CEP44: variants seen among roughly 807,000 people sequenced by gnomAD.
The protein encoded by CEP44 is centrosomal protein of 44 kDa.
CEP44 carries 45 observed loss-of-function variants against 46.7 expected under a neutral mutation model. The ratio of observed to expected loss-of-function variants is 0.96; its 90% confidence interval spans 0.76 to 1.24. The LOEUF is 1.24. CEP44 is among the 50% of genes most tolerant of loss of function. The pLI is 0.00. For missense variants in CEP44, 475 were observed against 459.7 expected (o/e 1.03, Z -0.30); for synonymous variants, 142 against 146.0 (o/e 0.97, Z 0.20).
At chr4:174,300,854 T>A (rs1739626082) in intron 3 of CEP44, among the ~76,000 whole-genome samples, 1 of 152,164 alleles carries the variant, frequency 6.6e-6, no homozygotes, top group African/African-American at 2.4e-5. Flanking sequence ...TAATCAAGAT[T>A]TTTGAAATTG....
At chr4:174,321,590 C>G (rs186328932), downstream of CEP44, among the ~76,000 whole-genome samples, 1 of 152,006 alleles carries the variant, frequency 6.6e-6, no homozygotes, top group Non-Finnish European at 1.5e-5. Flanking sequence ...TAGTTTTTTA[C>G]TTTTAATTAT....
Position 174,290,846 on chromosome 4 carries a change from AT to A in CEP44, c.-148+6908del, listed in dbSNP as rs1738112768. 6.6e-6 allele frequency among the ~76,000 whole-genome samples: 1 copy of A among 152,074 alleles called. No individual in the cohort carries two copies. Among genetic ancestry groups the A allele is most frequent in the African/African-American group, 2.4e-5 (1 of 41,408 alleles). Reference sequence around the variant, plus strand: ...GTGCTTTGATGTTGGGTGCATATGTATTTTTAGTTGTTGTATCTTTCTATTG... The same window carrying A: ...GTGCTTTGATGTTGGGTGCATATGTATTTTAGTTGTTGTATCTTTCTATTG... On this transcript the variant is annotated intron_variant, in intron 1 of 11. Transcript: ENST00000503780. The surrounding 1 kb of genome is among the most constrained non-coding windows in gnomAD (Gnocchi z 4.3).
At chr4:174,325,048 G>A (rs982567897), downstream of CEP44, among the ~76,000 whole-genome samples, 1 of 152,152 alleles carries the variant, frequency 6.6e-6, no homozygotes, top group Non-Finnish European at 1.5e-5. The surrounding 1 kb of genome is among the most constrained non-coding windows in gnomAD (Gnocchi z 4.4). Context: ...CCAACATGGT[G>A]AATGGGGGGT....
Position 174,312,257 on chromosome 4 carries a change from C to T in CEP44, c.961+1399C>T, listed in dbSNP as rs1347927793. On this transcript the variant is annotated intron_variant, in intron 9 of 11. Coordinates refer to ENST00000503780, the MANE Select transcript of CEP44 (RefSeq NM_001040157.3). The surrounding 1 kb of genome is among the most constrained non-coding windows in gnomAD (Gnocchi z 4.5). ...ATACCTTTAACCTATTTAGAAAACA[C>T]ATGGCTAAGTTTTTTTTTTTTAATT... Among the ~76,000 whole-genome samples the T allele has an allele frequency of 2.6e-5, 4 of 151,126 alleles. No homozygotes were observed. Among genetic ancestry groups the T allele is most frequent in the African/African-American group, 9.7e-5 (4 of 41,118 alleles).
chr4:174,292,309 G>A (rs1310815441), intron 1 of CEP44, among the ~76,000 whole-genome samples: 2 of 151,890 alleles, frequency 1.3e-5, no homozygotes, highest in Non-Finnish European at 2.9e-5. Context: ...TTTGAATTTT[G>A]ACAAATTCAT....
intron 1 of CEP44, among the ~76,000 whole-genome samples, chr4:174,294,858 T>C (rs1273635777): frequency 1.8e-3 from 122 of 68,286 alleles, no homozygotes; most frequent in Non-Finnish European, 2.3e-3. Context: ...GGGGGGCTGA[T>C]CCCCCCACCT....
At position 174,312,756 on chromosome 4, in the gene CEP44, G is replaced by C. The variant is rs943553306; in HGVS notation, c.961+1898G>C. On this transcript the variant is annotated intron_variant, in intron 9 of 11. Coordinates refer to ENST00000503780, the MANE Select transcript of CEP44 (RefSeq NM_001040157.3). This position sits in a 1 kb window ranked among gnomAD's most constrained non-coding sequence, Gnocchi z 4.5. ...TAATTAAAAGACTCAAGTTTATAAAGACTTACACATTATACCTTATACATG... is the reference window on the plus strand; with the variant it reads ...TAATTAAAAGACTCAAGTTTATAAACACTTACACATTATACCTTATACATG... Among the ~76,000 whole-genome samples, 2 of 152,114 alleles carry C rather than the reference G, an allele frequency of 1.3e-5. No homozygotes were observed. The highest frequency in any genetic ancestry group is 2.9e-5 in the Non-Finnish European group (2 of 68,020).
rs187804571 is a variant in CEP44 at position 174,313,354 on chromosome 4, T to C, written c.961+2496T>C. Among the ~76,000 whole-genome samples the C allele has an allele frequency of 4.0e-5, 6 of 151,262 alleles. 1 individual carries two copies. The East Asian group carries it at 1.2e-3, about 30-fold the overall frequency. On this transcript the variant is annotated intron_variant, in intron 9 of 11. Transcript: ENST00000503780. Reference sequence around the variant, plus strand: ...TTTTTATTTGCTTGTTTGTTTCGCTTTGTTTTGTGCCTTTTTTCCCTCAGA... The same window carrying C: ...TTTTTATTTGCTTGTTTGTTTCGCTCTGTTTTGTGCCTTTTTTCCCTCAGA...
Position 174,331,644 on chromosome 4 carries a change from G to A in CEP44, c.*49G>A, listed in dbSNP as rs1731325094. The A allele has an allele frequency of 2.0e-6, 3 of 1,531,118 alleles. No homozygotes were observed. The highest frequency in any genetic ancestry group is 1.4e-5 in the African/African-American group (1 of 72,610). The allele number at this position is 1,531,118 out of a possible 1,614,324, so 94.8% of individuals were successfully genotyped here. A position where few individuals can be genotyped will look rare whatever the true frequency, so the allele number is the denominator to read the frequency against. Reference sequence around the variant, plus strand: ...TTACCTTTTCCTGCTGTACTCTGATGTTTCAGTGAAGCTCATCCACGAAGT... The same window carrying A: ...TTACCTTTTCCTGCTGTACTCTGATATTTCAGTGAAGCTCATCCACGAAGT... On this transcript the variant is annotated 3_prime_UTR_variant, in exon 9 of 9. Transcript: ENST00000426172. The surrounding 1 kb of genome is among the most constrained non-coding windows in gnomAD (Gnocchi z 4.5).
Position 174,326,977 on chromosome 4 carries a change from A to G in CEP44, c.1087-4505A>G, listed in dbSNP as rs1390950077. 6.6e-6 allele frequency among the ~76,000 whole-genome samples: 1 copy of G among 151,910 alleles called. No homozygotes were observed. Among genetic ancestry groups the G allele is most frequent in the African/African-American group, 2.4e-5 (1 of 41,404 alleles). On this transcript the variant is annotated intron_variant, in intron 8 of 8. Transcript: ENST00000426172. This position sits in a 1 kb window ranked among gnomAD's most constrained non-coding sequence, Gnocchi z 4.8. ...TTTTCAGCAATTAGAAGAGCTATGT[A>G]GAAAAACCAAAATAAACTACAGACA...
rs951621081 is a variant in CEP44 at position 174,329,926 on chromosome 4, T to A, written c.1087-1556T>A. ...AAAATATTTTAGATAGGAATACTTA[T>A]TATAGTTTCAACTTTCATACTTCGT... On this transcript the variant is annotated intron_variant, in intron 8 of 8. Coordinates refer to the CEP44 transcript ENST00000426172. This position sits in a 1 kb window ranked among gnomAD's most constrained non-coding sequence, Gnocchi z 4.0. 6.6e-6 allele frequency among the ~76,000 whole-genome samples: 1 copy of A among 152,160 alleles called. No homozygotes were observed. Among genetic ancestry groups the A allele is most frequent in the Non-Finnish European group, 1.5e-5 (1 of 68,026 alleles).
chr4:174,283,935 C>T lies in CEP44; in HGVS notation c.-156C>T, dbSNP rs962241551. 3 of 399,040 alleles carry T rather than the reference C, an allele frequency of 7.5e-6. No homozygotes were observed. The highest frequency in any genetic ancestry group is 4.1e-5 in the African/African-American group (2 of 48,662). The allele number at this position is 399,040 out of a possible 1,614,324, so 24.7% of individuals were successfully genotyped here. ...CAGAGAAGCTCCCAGCTTTGAAGGT[C>T]TTGCGGTGGTGCGTGGCGGGCAGGA... On this transcript the variant is annotated 5_prime_UTR_variant, in exon 1 of 12. Transcript: ENST00000503780. The surrounding 1 kb of genome is among the most constrained non-coding windows in gnomAD (Gnocchi z 6.7).
Position 174,317,566 on chromosome 4 carries a change from A to T in CEP44, c.*183A>T. On this transcript the variant is annotated 3_prime_UTR_variant, in exon 12 of 12. Coordinates refer to ENST00000503780, the MANE Select transcript of CEP44 (RefSeq NM_001040157.3). ...CTTTTAATATTTTTGAGCAATGATT[A>T]TACTGCTTTACCTTGTGTCACTTTT... 1 of 1,154,974 alleles carries T rather than the reference A, an allele frequency of 8.7e-7. No individual in the cohort carries two copies. The highest frequency in any genetic ancestry group is 1.1e-6 in the Non-Finnish European group (1 of 932,440). The allele number at this position is 1,154,974 out of a possible 1,614,324, so 71.5% of individuals were successfully genotyped here. A position where few individuals can be genotyped will look rare whatever the true frequency, so the allele number is the denominator to read the frequency against.
intron 1 of CEP44, among the ~76,000 whole-genome samples, chr4:174,289,295 CTT>C (rs34274387): frequency 0.03 from 3,828 of 128,740 alleles, 178 homozygotes; most frequent in African/African-American, 0.096. Context: ...GTTCCCTCTT[CTT>C]TTTTTTTTTT....
rs1392580244 is a variant in CEP44 at position 174,326,228 on chromosome 4, G to A, written c.1087-5254G>A. On this transcript the variant is annotated intron_variant, in intron 8 of 8. Coordinates refer to the CEP44 transcript ENST00000426172. This position sits in a 1 kb window ranked among gnomAD's most constrained non-coding sequence, Gnocchi z 4.8. The stretch of plus-strand genomic sequence containing the variant: ...TGAAGTATCCTGTGTGTGTATGTGT[G>A]TGTGTGTGTCTGTGTGTGTGTCTGT... 6.6e-6 allele frequency among the ~76,000 whole-genome samples: 1 copy of A among 151,428 alleles called. No homozygotes were observed. The highest frequency in any genetic ancestry group is 1.9e-4 in the East Asian group (1 of 5,178).
exon 9 of CEP44, chr4:174,332,866 G>A (rs996468273): frequency 6.6e-6 from 1 of 152,140 alleles, no homozygotes; most frequent in Non-Finnish European, 1.5e-5. Context: ...GCTTAGGTTT[G>A]AACCTGTTAA....
chr4:174,319,874 T>C lies in CEP44; in HGVS notation c.*2491T>C. The C allele has an allele frequency of 3.0e-6, 3 of 985,348 alleles. No individual in the cohort carries two copies. Among genetic ancestry groups the C allele is most frequent in the Non-Finnish European group, 2.4e-6 (2 of 829,858 alleles). 61.0% of individuals were successfully genotyped at this position (985,348 alleles called of 1,614,324 possible). Reference sequence around the variant, plus strand: ...AAATTGTTATTTTAAAAAGTTTTCTTGTTTAGGCAATTTGGTAAGTGGTTT... The same window carrying C: ...AAATTGTTATTTTAAAAAGTTTTCTCGTTTAGGCAATTTGGTAAGTGGTTT... On this transcript the variant is annotated 3_prime_UTR_variant, in exon 12 of 12. Transcript: ENST00000503780.
In CEP44 at chr4:174,326,111, T is replaced by C. The variant is rs1228049489; in HGVS notation, c.1087-5371T>C. On this transcript the variant is annotated intron_variant, in intron 8 of 8. Coordinates refer to the CEP44 transcript ENST00000426172. This position sits in a 1 kb window ranked among gnomAD's most constrained non-coding sequence, Gnocchi z 4.8. ...ACCTTCTTATATTTGTTTTCTGTTT[T>C]TATCATTTGTTCTTAGCTGCTTTTT... Among the ~76,000 whole-genome samples the C allele has an allele frequency of 6.6e-6, 1 of 152,116 alleles. No homozygotes were observed. The highest frequency in any genetic ancestry group is 1.5e-5 in the Non-Finnish European group (1 of 68,006).
intron 6 of CEP44, 65 bp downstream of exon 6, chr4:174,304,434 T>C: frequency 6.4e-7 from 1 of 1,557,818 alleles, no homozygotes. Flanking sequence ...ATATACAGTT[T>C]TCACTTTTCT....
Sources: allele counts gnomAD v4.1 joint callset (sites outside exome capture counted in the v4.1 genomes callset), GRCh38; gene constraint gnomAD v4.1.1; non-coding constraint Gnocchi (gnomAD v3.1); transcripts MANE v1.5; gene names NCBI Gene and HGNC (gene_info 2026-07-23, HGNC 2026-07-21).